GPHN: variants seen among roughly 807,000 people sequenced by gnomAD.
GPHN encodes the protein gephyrin.
In GPHN, 17 loss-of-function variants were observed where a neutral mutation model predicts 95.5. That is an observed-to-expected ratio of 0.18 (90% CI 0.12 to 0.27). The LOEUF (loss-of-function observed/expected upper bound fraction) is 0.27, where lower values mean the gene tolerates loss of function less well. Among genes scored for constraint, GPHN ranks in the 10% least tolerant of loss-of-function variants. GPHN has a pLI of 1.00. For synonymous variants in GPHN, 320 were observed against 322.5 expected (o/e 0.99, Z 0.08); for missense variants, 660 against 978.1 (o/e 0.67, Z 4.34).
the GPHN span, among the ~76,000 whole-genome samples, chr14:67,386,719 A>C: frequency 6.6e-6 from 1 of 152,288 alleles, no homozygotes; most frequent in African/African-American, 2.4e-5. Flanking sequence ...AAGCTATGTA[A>C]TGTATTTTTC....
Position 66,619,630 on chromosome 14 carries a change from G to T in GPHN, c.65-61477G>T, listed in dbSNP as rs114213143. On this transcript the variant is annotated intron_variant, in intron 1 of 22. Transcript: ENST00000478722. ...TATTCAGAATGCAAGTAAGACATAT[G>T]CTTGTAAATATTTACACACAGTCTT... Among the ~76,000 whole-genome samples, 554 of 151,956 alleles carry T rather than the reference G, an allele frequency of 3.6e-3. 12 individuals carry two copies. Among genetic ancestry groups the T allele is most frequent in the African/African-American group, 0.013 (528 of 41,466 alleles).
the GPHN span, chr14:67,581,055 G>A: frequency 9.2e-6 from 14 of 1,529,348 alleles, no homozygotes; most frequent in African/African-American, 1.4e-5. Context: ...AGCACTGCAC[G>A]AGGGTGGGGC....
chr14:66,609,199 T>C (rs1362285029), intron 1 of GPHN, among the ~76,000 whole-genome samples: 1 of 152,176 alleles, frequency 6.6e-6, no homozygotes, highest in Non-Finnish European at 1.5e-5. Flanking sequence ...TCTTAGCATT[T>C]GAAGCTTACT....
the GPHN span, chr14:67,592,266 C>A: frequency 1.0e-5 from 4 of 396,106 alleles, no homozygotes; most frequent in South Asian, 5.8e-5. Flanking sequence ...AAGACCTCAT[C>A]TCTACTAAAA....
At chr14:67,247,184 A>G in the GPHN span, among the ~76,000 whole-genome samples, 2 of 152,150 alleles carry the variant, frequency 1.3e-5, no homozygotes, top group East Asian at 1.9e-4. Flanking sequence ...TGAACATGCT[A>G]TTTCTTTCCA....
At chr14:67,246,564 C>T in the GPHN span, among the ~76,000 whole-genome samples, 1 of 151,710 alleles carries the variant, frequency 6.6e-6, no homozygotes, top group African/African-American at 2.4e-5. Flanking sequence ...TGGTCTTGAG[C>T]AGCTGAGCAC....
chr14:66,623,994 C>T (rs1595290636), intron 1 of GPHN, among the ~76,000 whole-genome samples: 1 of 152,198 alleles, frequency 6.6e-6, no homozygotes, highest in South Asian at 2.1e-4. Flanking sequence ...AACCCTGGAG[C>T]GAGCAGCCAA....
At chr14:67,661,278 CAAAAA>C in the GPHN span, among the ~76,000 whole-genome samples, 3 of 56,548 alleles carry the variant, frequency 5.3e-5, no homozygotes, top group Admixed American at 2.9e-4. Flanking sequence ...AGGGCTAGAG[CAAAAA>C]AAAAAAAAAA....
the GPHN span, chr14:67,729,654 C>A: frequency 3.3e-6 from 2 of 599,318 alleles, no homozygotes; most frequent in South Asian, 1.7e-5. Flanking sequence ...AGAAGACTGT[C>A]GCTGTTGGTT....
chr14:66,567,235 G>T (rs1047850122), intron 1 of GPHN, among the ~76,000 whole-genome samples: 9 of 152,302 alleles, frequency 5.9e-5, no homozygotes, highest in African/African-American at 2.2e-4. Context: ...CAGAGCAACA[G>T]TAGAGCCTAG....
At chr14:67,402,524 C>T in the GPHN span, among the ~76,000 whole-genome samples, 1 of 152,100 alleles carries the variant, frequency 6.6e-6, no homozygotes, top group African/African-American at 2.4e-5. Flanking sequence ...CTTTCTCATT[C>T]TTTCTAATTA....
the GPHN span, chr14:67,472,582 A>T: frequency 5.4e-5 from 8 of 149,356 alleles, no homozygotes; most frequent in East Asian, 1.4e-3. Flanking sequence ...GGAACAGTGG[A>T]GGGAAGGGCT....
chr14:66,945,957 A>G lies in GPHN; in HGVS notation c.829-19234A>G, dbSNP rs148439652. Among the ~76,000 whole-genome samples the G allele has an allele frequency of 4.0e-4, 61 of 152,148 alleles. No homozygotes were observed. The East Asian group carries it at 0.01, about 25-fold the overall frequency. On this transcript the variant is annotated intron_variant, in intron 8 of 22. Coordinates refer to ENST00000478722, the MANE Select transcript of GPHN (RefSeq NM_020806.5). ...TCTGGGAAATGTCAAAGATAGTTTT[A>G]TTTCTTTTTCTTTTTTTCTGGGCCT...
At chr14:67,646,980 G>C in the GPHN span, 30 of 1,612,962 alleles carry the variant, frequency 1.9e-5, no homozygotes, top group Non-Finnish European at 1.7e-5. Context: ...GATCGACTTG[G>C]TATCCAGAAG....
chr14:66,990,168 C>A (rs1225981111), intron 9 of GPHN, among the ~76,000 whole-genome samples: 1 of 152,002 alleles, frequency 6.6e-6, no homozygotes, highest in African/African-American at 2.4e-5. Flanking sequence ...ACTTTTAAAA[C>A]CATCAGATCT....
intron 9 of GPHN, among the ~76,000 whole-genome samples, chr14:67,013,593 T>C (rs1004892696): frequency 7.2e-5 from 11 of 152,224 alleles, no homozygotes; most frequent in African/African-American, 2.6e-4. Context: ...GAAACTTTTC[T>C]ACACACTTTC....
chr14:67,179,314 A>T (rs948685960), intron 21 of GPHN, among the ~76,000 whole-genome samples: 2 of 152,174 alleles, frequency 1.3e-5, no homozygotes, highest in African/African-American at 4.8e-5. Flanking sequence ...GGAGCCCAGG[A>T]GGTCAAGGCT....
intron 8 of GPHN, among the ~76,000 whole-genome samples, chr14:66,957,784 C>T (rs574545023): frequency 2.0e-5 from 3 of 152,224 alleles, no homozygotes; most frequent in East Asian, 3.9e-4. Flanking sequence ...TGTTAGGAAG[C>T]GGTCCGCACA....
the GPHN span, chr14:67,571,513 A>T: frequency 6.2e-3 from 2,777 of 444,634 alleles, 58 homozygotes; most frequent in African/African-American, 0.048. Context: ...TTCAGTCGTG[A>T]TGGGCAGCTG....
Sources: allele counts gnomAD v4.1 joint callset (sites outside exome capture counted in the v4.1 genomes callset), GRCh38; gene constraint gnomAD v4.1.1; transcripts MANE v1.5; gene names NCBI Gene and HGNC (gene_info 2026-07-23, HGNC 2026-07-21).